The following ATP2B2 variants were observed in gnomAD, a reference collection of about 807,000 sequenced individuals.
The protein encoded by ATP2B2 is ATPase plasma membrane Ca2+ transporting 2, also known as plasma membrane calcium-transporting ATPase 2.
ATP2B2 carries 15 observed loss-of-function variants against 120.0 expected under a neutral mutation model. The observed-to-expected ratio is 0.12, with a 90% CI of 0.08 to 0.19. ATP2B2 has a LOEUF of 0.19. Ranked by LOEUF, ATP2B2 falls within the 10% of genes least tolerant of loss-of-function variation. ATP2B2 has a pLI of 1.00. For missense variants in ATP2B2, 1,045 were observed against 1,719.8 expected, an observed-to-expected ratio of 0.61 and a Z score of 6.94; for synonymous variants, 694 against 700.3, an observed-to-expected ratio of 0.99 and a Z score of 0.14.
chr3:10,642,625 C>A lies in ATP2B2; in HGVS notation c.-459-22664G>T, dbSNP rs1029322146. On this transcript the variant is annotated intron_variant, in intron 1 of 21. Coordinates refer to the ATP2B2 transcript ENST00000646379. The stretch of plus-strand genomic sequence containing the variant: ...ATCATCCATTTCTATGTTTAAAAAA[C>A]ACATGATTTTTCATGACCCATTCAC... Among the ~76,000 whole-genome samples, 8 of 151,546 alleles carry A rather than the reference C, an allele frequency of 5.3e-5. No homozygotes were observed. In the East Asian group the frequency reaches 1.4e-3, roughly 26 times the overall value.
chr3:10,355,121 G>A, intron 14 of ATP2B2, among the ~76,000 whole-genome samples: 1 of 152,176 alleles, frequency 6.6e-6, no homozygotes. Flanking sequence ...CCGTCTCCTT[G>A]GGTCCTGCAT....
chr3:10,697,544 C>T (rs2071758674), intron 1 of ATP2B2, among the ~76,000 whole-genome samples: 1 of 152,194 alleles, frequency 6.6e-6, no homozygotes, highest in Admixed American at 6.5e-5. Context: ...TGTTTGAGGA[C>T]AGAGATGTTT....
intron 8 of ATP2B2, 117 bp downstream of exon 8, chr3:10,385,151 G>A (rs928124718): frequency 1.4e-5 from 14 of 1,020,756 alleles, no homozygotes; most frequent in African/African-American, 1.3e-4. Flanking sequence ...CTGTCCCAGC[G>A]GCCCATGCAC....
intron 2 of ATP2B2, among the ~76,000 whole-genome samples, chr3:10,606,986 G>GAA (rs2069103401): frequency 1.1e-3 from 2 of 1,808 alleles, no homozygotes; most frequent in African/African-American, 5.8e-3. Context: ...GAGAAAGAAA[G>GAA]AGAGAGAGAG....
At chr3:10,478,266 T>C (rs2065276944) in intron 1 of ATP2B2, among the ~76,000 whole-genome samples, 2 of 152,240 alleles carry the variant, frequency 1.3e-5, no homozygotes, top group South Asian at 2.1e-4. Flanking sequence ...ATATTCTGGA[T>C]ATTAATCTTT....
intron 2 of ATP2B2, among the ~76,000 whole-genome samples, chr3:10,428,188 T>C (rs571975710): frequency 1.3e-5 from 2 of 152,170 alleles, no homozygotes; most frequent in Non-Finnish European, 2.9e-5. Context: ...AAGGGGATTA[T>C]ACTCGAACCC....
At chr3:10,352,596 G>C (rs1251289472) in intron 14 of ATP2B2, among the ~76,000 whole-genome samples, 1 of 152,228 alleles carries the variant, frequency 6.6e-6, no homozygotes, top group Non-Finnish European at 1.5e-5. Flanking sequence ...AGGGCCTGGG[G>C]AGAAGCCTTC....
intron 1 of ATP2B2, among the ~76,000 whole-genome samples, chr3:10,687,098 T>C (rs918360137): frequency 6.6e-6 from 1 of 152,206 alleles, no homozygotes; most frequent in Admixed American, 6.5e-5. Flanking sequence ...TACAGAAAAG[T>C]TGCAACTACA....
At chr3:10,501,308 C>T (rs1397637663) in intron 1 of ATP2B2, among the ~76,000 whole-genome samples, 1 of 152,160 alleles carries the variant, frequency 6.6e-6, no homozygotes, top group Non-Finnish European at 1.5e-5. Context: ...CGGGGTGAAG[C>T]CGAAGCCACA....
At chr3:10,422,372 GGTCTGCTATC>G (rs2063010306) in intron 2 of ATP2B2, among the ~76,000 whole-genome samples, 1 of 152,186 alleles carries the variant, frequency 6.6e-6, no homozygotes, top group Non-Finnish European at 1.5e-5. Context: ...CCAGTCTGAT[GGTCTGCTATC>G]GTCTGGTGTG....
At chr3:10,692,814 A>G (rs1324688068) in intron 1 of ATP2B2, among the ~76,000 whole-genome samples, 1 of 144,078 alleles carries the variant, frequency 6.9e-6, no homozygotes, top group East Asian at 2.1e-4. Flanking sequence ...GGGGGACAGA[A>G]TGAGCCAGGA....
intron 3 of ATP2B2, among the ~76,000 whole-genome samples, chr3:10,410,356 C>A (rs2062566542): frequency 6.6e-6 from 1 of 152,214 alleles, no homozygotes; most frequent in Non-Finnish European, 1.5e-5. Context: ...CAGGGCTTAG[C>A]ACACTGTAAG....
chr3:10,572,381 G>C (rs769461358), intron 2 of ATP2B2, among the ~76,000 whole-genome samples: 3 of 152,188 alleles, frequency 2.0e-5, no homozygotes, highest in Admixed American at 6.5e-5. Flanking sequence ...AAAATCCTTA[G>C]ACAAGAGTTT....
chr3:10,697,158 CT>C (rs1206106209), intron 1 of ATP2B2, among the ~76,000 whole-genome samples: 2 of 152,128 alleles, frequency 1.3e-5, no homozygotes, highest in Non-Finnish European at 1.5e-5. Context: ...TCCCATTGTG[CT>C]TTTTTTCCTC....
chr3:10,677,191 C>T (rs1157880276), intron 1 of ATP2B2, among the ~76,000 whole-genome samples: 1 of 152,094 alleles, frequency 6.6e-6, no homozygotes, highest in Non-Finnish European at 1.5e-5. Context: ...ATGGATAAAC[C>T]GTGGTACACC....
chr3:10,350,084 G>C (rs368320701), intron 16 of ATP2B2, 28 bp downstream of exon 16: 1 of 1,610,236 alleles, frequency 6.2e-7, no homozygotes, highest in Non-Finnish European at 8.5e-7. Context: ...CTGGGCTTCA[G>C]GATTGCCCGT....
At chr3:10,469,380 C>T (rs2064887489) in intron 1 of ATP2B2, among the ~76,000 whole-genome samples, 1 of 152,228 alleles carries the variant, frequency 6.6e-6, no homozygotes, top group Admixed American at 6.5e-5. Flanking sequence ...ACTCAGAACA[C>T]AGCGGAGCTG....
chr3:10,486,324 C>CGTGTGTGT (rs1553616064), intron 1 of ATP2B2, among the ~76,000 whole-genome samples: 116 of 117,172 alleles, frequency 9.9e-4, no homozygotes, highest in African/African-American at 3.0e-3. Flanking sequence ...TGTGTGCGTG[C>CGTGTGTGT]GTGTGTGTGT....
At chr3:10,332,266 A>G (rs2060001273) in intron 22 of ATP2B2, 1 of 546,180 alleles carries the variant, frequency 1.8e-6, no homozygotes, top group Non-Finnish European at 3.3e-6. Context: ...AAGTGGGAGC[A>G]GGAGGTGCCT....
Sources: allele counts gnomAD v4.1 joint callset (sites outside exome capture counted in the v4.1 genomes callset), GRCh38; gene constraint gnomAD v4.1.1; transcripts MANE v1.5; gene names NCBI Gene and HGNC (gene_info 2026-07-23, HGNC 2026-07-21).